FNDC3B: variants seen among roughly 807,000 people sequenced by gnomAD.
The protein encoded by FNDC3B is fibronectin type III domain containing 3B.
In FNDC3B, 12 loss-of-function variants were observed where a neutral mutation model predicts 151.5. The ratio of observed to expected loss-of-function variants is 0.08; its 90% CI spans 0.05 to 0.13. The LOEUF (loss-of-function observed/expected upper bound fraction) is 0.13. Among genes scored for constraint, FNDC3B ranks in the 10% least tolerant of loss-of-function variants. FNDC3B has a pLI of 1.00. For synonymous variants in FNDC3B, 528 were observed against 549.0 expected, an observed-to-expected ratio of 0.96 and a Z score of 0.54; for missense variants, 1,214 against 1,505.3, an observed-to-expected ratio of 0.81 and a Z score of 3.20.
At chr3:172,082,728 T>G (rs1164058315) in intron 1 of FNDC3B, among the ~76,000 whole-genome samples, 2 of 152,174 alleles carry the variant, frequency 1.3e-5, no homozygotes, top group East Asian at 3.8e-4. Flanking sequence ...CAGAGAAGTT[T>G]GACTTAATGT....
rs1328731000 is a variant in FNDC3B, at chr3:172,352,070, G to A, written c.2515-733G>A. ...TTTGAGTAGAGGTAGAAAAGAGGAG[G>A]TACCGAAGTACTGAGGGCTGATACT... On this transcript the variant is annotated intron_variant, in intron 21 of 25. Transcript: ENST00000415807. This position sits in a 1 kb window ranked among gnomAD's most constrained non-coding sequence, Gnocchi z 4.2. 6.6e-6 allele frequency among the ~76,000 whole-genome samples: 1 copy of A among 152,116 alleles called. No individual in the cohort carries two copies. The highest frequency in any genetic ancestry group is 1.5e-5 in the Non-Finnish European group (1 of 68,024).
At chr3:172,105,502 A>G (rs978408941) in intron 1 of FNDC3B, among the ~76,000 whole-genome samples, 6 of 152,062 alleles carry the variant, frequency 3.9e-5, no homozygotes, top group African/African-American at 1.2e-4. Context: ...TCCAAACACA[A>G]TACAGCAAAG....
intron 3 of FNDC3B, among the ~76,000 whole-genome samples, chr3:172,139,164 AC>A (rs547742857): frequency 4.0e-4 from 60 of 151,408 alleles, no homozygotes; most frequent in African/African-American, 1.4e-3. Context: ...TACTTTTGGG[AC>A]CTTAACGTTG....
intron 3 of FNDC3B, among the ~76,000 whole-genome samples, chr3:172,139,623 A>G (rs984496961): frequency 2.6e-5 from 4 of 152,154 alleles, no homozygotes; most frequent in African/African-American, 9.7e-5. Flanking sequence ...AACTTTTATT[A>G]TATTGGATGA....
chr3:172,360,263 T>A (rs1050418041), intron 22 of FNDC3B, among the ~76,000 whole-genome samples: 47 of 152,226 alleles, frequency 3.1e-4, no homozygotes, highest in African/African-American at 9.6e-4. Flanking sequence ...CCCTCTTTGG[T>A]GGAGTGTCTA....
intron 11 of FNDC3B, among the ~76,000 whole-genome samples, chr3:172,316,191 A>G (rs1358080370): frequency 1.3e-5 from 2 of 151,314 alleles, no homozygotes; most frequent in African/African-American, 2.4e-5. Flanking sequence ...TATTTTTAGT[A>G]TGTTTCACCA....
intron 19 of FNDC3B, 41 bp from the exon 20 acceptor site, chr3:172,346,270 TTCACAAACACATACAC>T: frequency 3.0e-6 from 3 of 1,001,126 alleles, no homozygotes; most frequent in Non-Finnish European, 4.6e-6. Flanking sequence ...TGCACACACA[TTCACAAACACATACAC>T]GCATATATAC....
At position 172,303,528 on chromosome 3, in the gene FNDC3B, G is replaced by A. The variant is rs1731040266; in HGVS notation, c.1062-3835G>A. Among the ~76,000 whole-genome samples the A allele has an allele frequency of 2.0e-5, 3 of 152,128 alleles. No individual in the cohort carries two copies. The South Asian group carries it at 6.2e-4, about 32-fold the overall frequency. ...AATTCTTGGAGCACCTGTTTCCTAA[G>A]CATTTAGCCAGGATTTAAGCTGAAA... On this transcript the variant is annotated intron_variant, in intron 9 of 25. Coordinates refer to ENST00000415807, the MANE Select transcript of FNDC3B (RefSeq NM_022763.4).
intron 1 of FNDC3B, among the ~76,000 whole-genome samples, chr3:172,078,776 T>C (rs1718143130): frequency 6.6e-6 from 1 of 152,194 alleles, no homozygotes; most frequent in African/African-American, 2.4e-5. Context: ...CAGGTGTCTT[T>C]CTTGTGCTCA....
intron 3 of FNDC3B, among the ~76,000 whole-genome samples, chr3:172,167,169 G>A (rs1723045874): frequency 1.3e-5 from 2 of 152,348 alleles, no homozygotes; most frequent in South Asian, 2.1e-4. Flanking sequence ...GCTGAGGCGG[G>A]CGGATCACCT....
chr3:172,180,229 T>TCCA (rs1723821160), intron 3 of FNDC3B, among the ~76,000 whole-genome samples: 1 of 152,184 alleles, frequency 6.6e-6, no homozygotes, highest in Non-Finnish European at 1.5e-5. Flanking sequence ...CTGTCAGATG[T>TCCA]GGACTGTGGA....
intron 3 of FNDC3B, among the ~76,000 whole-genome samples, chr3:172,162,811 C>G (rs1024865447): frequency 3.9e-5 from 6 of 152,150 alleles, no homozygotes; most frequent in African/African-American, 1.4e-4. Context: ...TAATGAAATT[C>G]TGTGCTAGGA....
At chr3:172,167,603 G>A (rs1192941923) in intron 3 of FNDC3B, among the ~76,000 whole-genome samples, 2 of 152,180 alleles carry the variant, frequency 1.3e-5, no homozygotes, top group Non-Finnish European at 1.5e-5. Context: ...TTTCACTGCA[G>A]TACTTTTAAG....
At chr3:172,271,358 T>C (rs1268857092) in intron 6 of FNDC3B, among the ~76,000 whole-genome samples, 1 of 152,220 alleles carries the variant, frequency 6.6e-6, no homozygotes, top group African/African-American at 2.4e-5. Context: ...TTTAAACTAT[T>C]GATTTCCTAC....
At chr3:172,228,340 T>C (rs953111195) in intron 4 of FNDC3B, among the ~76,000 whole-genome samples, 1 of 152,202 alleles carries the variant, frequency 6.6e-6, no homozygotes, top group African/African-American at 2.4e-5. Flanking sequence ...TGAGGAAGCA[T>C]TTCATTCCAT....
intron 7 of FNDC3B, among the ~76,000 whole-genome samples, chr3:172,294,814 A>G (rs1730511502): frequency 6.6e-6 from 1 of 152,232 alleles, no homozygotes; most frequent in Non-Finnish European, 1.5e-5. Flanking sequence ...AGCAGAGGCT[A>G]AACCAAAAGT....
Position 172,068,280 on chromosome 3 carries a change from A to G in FNDC3B, c.-29+28509A>G, listed in dbSNP as rs765408681. Among the ~76,000 whole-genome samples the G allele has an allele frequency of 6.4e-4, 98 of 152,204 alleles. 3 individuals are homozygous for G. The highest frequency in any genetic ancestry group is 2.5e-4 in the Non-Finnish European group (17 of 68,032). On this transcript the variant is annotated intron_variant, in intron 1 of 25. Transcript: ENST00000415807. ...AGTGAATGGGGAAGCGCCAGAAAGA[A>G]CAGAAGCTAATGATGGACTGGCTCG...
intron 1 of FNDC3B, among the ~76,000 whole-genome samples, chr3:172,096,731 A>T (rs1719107865): frequency 6.6e-6 from 1 of 152,322 alleles, no homozygotes; most frequent in African/African-American, 2.4e-5. Flanking sequence ...AACAGTGGCT[A>T]TTTTTGAGTG....
chr3:172,241,342 G>A (rs915945361), intron 4 of FNDC3B, among the ~76,000 whole-genome samples: 1 of 152,140 alleles, frequency 6.6e-6, no homozygotes, highest in Non-Finnish European at 1.5e-5. Flanking sequence ...CAAGATCAAG[G>A]TGTCAGCAGG....
Sources: allele counts gnomAD v4.1 joint callset (sites outside exome capture counted in the v4.1 genomes callset), GRCh38; gene constraint gnomAD v4.1.1; non-coding constraint Gnocchi (gnomAD v3.1); transcripts MANE v1.5; gene names NCBI Gene and HGNC (gene_info 2026-07-23, HGNC 2026-07-21).